CD109: variants seen among roughly 807,000 people sequenced by gnomAD.
CD109 encodes the protein CD109 antigen.
A neutral mutation model predicts 165.8 loss-of-function variants in CD109; 149 were observed. The observed-to-expected ratio is 0.90, with a 90% confidence interval of 0.79 to 1.03. The LOEUF (loss-of-function observed/expected upper bound fraction) is 1.03. Among genes scored for constraint, CD109 ranks in the 50% least tolerant of loss-of-function variants. The pLI is 0.00. For synonymous variants in CD109, 585 were observed against 592.1 expected (o/e 0.99, Z 0.18); for missense variants, 1,712 against 1,677.8 (o/e 1.02, Z -0.36).
intron 2 of CD109, among the ~76,000 whole-genome samples, chr6:73,707,758 A>G (rs1210087863): frequency 6.6e-6 from 1 of 152,090 alleles, no homozygotes; most frequent in African/African-American, 2.4e-5. Context: ...AAGAAATGCA[A>G]TAAAACTTAT....
chr6:73,789,851 C>T (rs1468594593), intron 22 of CD109, among the ~76,000 whole-genome samples: 2 of 149,112 alleles, frequency 1.3e-5, no homozygotes, highest in Non-Finnish European at 3.0e-5. Context: ...ACCTCTGCCT[C>T]TTGGGGTTCA....
At chr6:73,777,031 A>ATGCTGGAGTGCAGTGGTATGATCT (rs1774274771) in intron 15 of CD109, among the ~76,000 whole-genome samples, 1 of 16,488 alleles carries the variant, frequency 6.1e-5, no homozygotes, top group East Asian at 8.6e-3. Context: ...CTTGTTGCCC[A>ATGCTGGAGTGCAGTGGTATGATCT]CGCTGCAACC....
At chr6:73,753,128 G>C (rs574248885) in intron 5 of CD109, among the ~76,000 whole-genome samples, 2 of 152,136 alleles carry the variant, frequency 1.3e-5, no homozygotes, top group African/African-American at 2.4e-5. Context: ...TTGGAACATA[G>C]TCGTGCTCGT....
intron 5 of CD109, among the ~76,000 whole-genome samples, chr6:73,748,251 T>G (rs997514533): frequency 6.6e-6 from 1 of 152,208 alleles, no homozygotes; most frequent in East Asian, 1.9e-4. Flanking sequence ...TTTTTTCCCC[T>G]TTGCAACCAA....
rs1441692511 is a variant in CD109, at chr6:73,781,258, G to A, written c.1903-1G>A. ...AAGAAAATAAAAATTATTCTTTTTA[G>A]GAATGTGGACTCTGGGTATTGACAG... On this transcript the variant is annotated splice_acceptor_variant, in intron 16 of 32. Coordinates refer to ENST00000287097, the MANE Select transcript of CD109 (RefSeq NM_133493.5). LOFTEE classifies it high-confidence loss of function. 1 of 1,610,368 alleles carries A rather than the reference G, an allele frequency of 6.2e-7. No individual in the cohort carries two copies. The highest frequency in any genetic ancestry group is 1.1e-5 in the South Asian group (1 of 90,806).
chr6:73,728,914 G>C (rs1175083730), intron 3 of CD109, among the ~76,000 whole-genome samples: 1 of 152,214 alleles, frequency 6.6e-6, no homozygotes, highest in Non-Finnish European at 1.5e-5. Context: ...AGTCTTTGTG[G>C]GTGAAGAATT....
At chr6:73,757,360 C>T (rs1044349719) in intron 6 of CD109, among the ~76,000 whole-genome samples, 14 of 151,948 alleles carry the variant, frequency 9.2e-5, no homozygotes, top group Admixed American at 2.0e-4. Flanking sequence ...TCAATTTTGC[C>T]GTGGTAGCAT....
At chr6:73,732,568 A>ATG (rs1772405008) in intron 4 of CD109, among the ~76,000 whole-genome samples, 1 of 152,234 alleles carries the variant, frequency 6.6e-6, no homozygotes, top group South Asian at 2.1e-4. Context: ...AGCTTACTGT[A>ATG]TGTCAGAAAG....
At chr6:73,738,984 G>A (rs1274817116) in intron 5 of CD109, among the ~76,000 whole-genome samples, 2 of 152,170 alleles carry the variant, frequency 1.3e-5, no homozygotes, top group African/African-American at 4.8e-5. Flanking sequence ...AGTGGTCCAT[G>A]ATAGACAGTA....
At chr6:73,782,538 T>A in intron 17 of CD109, 76 bp from the exon 18 acceptor site, 8 of 1,391,910 alleles carry the variant, frequency 5.7e-6, no homozygotes, top group Non-Finnish European at 6.0e-6. Flanking sequence ...TGATTGACAT[T>A]CATTTTGTAT....
chr6:73,684,539 A>T, the CD109 span, among the ~76,000 whole-genome samples: 1 of 151,568 alleles, frequency 6.6e-6, no homozygotes, highest in East Asian at 1.9e-4. Flanking sequence ...TCTTTTTTTG[A>T]TGATATCCAT....
In CD109 at chr6:73,827,181, C is replaced by G. The variant is rs765293813; in HGVS notation, c.*3548C>G. On this transcript the variant is annotated 3_prime_UTR_variant, in exon 33 of 33. Transcript: ENST00000287097. ...AAATATGTTGTAAATTCTCCCTTGGCAAGATTTCTCCCTATGAGGGTAGTT... is the reference window on the plus strand; with the variant it reads ...AAATATGTTGTAAATTCTCCCTTGGGAAGATTTCTCCCTATGAGGGTAGTT... The G allele has an allele frequency of 2.6e-5, 4 of 152,142 alleles. No homozygotes were observed. Among genetic ancestry groups the G allele is most frequent in the Non-Finnish European group, 5.9e-5 (4 of 68,036 alleles). The allele number at this position is 152,142 out of a possible 1,614,324, so 9.4% of individuals were successfully genotyped here.
chr6:73,701,709 T>G (rs2150146389), intron 2 of CD109, among the ~76,000 whole-genome samples: 2 of 152,304 alleles, frequency 1.3e-5, no homozygotes, highest in South Asian at 4.1e-4. Flanking sequence ...CAAGAGTCAC[T>G]TCAAGTAATA....
chr6:73,765,822 A>G, intron 10 of CD109, 108 bp from the exon 11 acceptor site: 8 of 755,350 alleles, frequency 1.1e-5, no homozygotes, highest in Non-Finnish European at 1.7e-5. Flanking sequence ...TTATAGTGCT[A>G]CCAATAATTT....
intron 4 of CD109, among the ~76,000 whole-genome samples, chr6:73,734,761 T>A (rs958039468): frequency 6.6e-6 from 1 of 152,216 alleles, no homozygotes; most frequent in Non-Finnish European, 1.5e-5. Flanking sequence ...TCTGTTCTAA[T>A]AACTGGCCCC....
At chr6:73,740,157 G>A (rs2150192654) in intron 5 of CD109, among the ~76,000 whole-genome samples, 1 of 152,284 alleles carries the variant, frequency 6.6e-6, no homozygotes, top group South Asian at 2.1e-4. Flanking sequence ...GGGATTACAT[G>A]TGTGAGCCAT....
chr6:73,814,912 A>C (rs752868253), intron 29 of CD109, 69 bp from the exon 30 acceptor site: 19 of 1,129,466 alleles, frequency 1.7e-5, no homozygotes, highest in South Asian at 2.2e-5. Flanking sequence ...TACCTAATAC[A>C]GTATTTAGAA....
intron 3 of CD109, among the ~76,000 whole-genome samples, chr6:73,728,175 G>A (rs1333104621): frequency 6.6e-6 from 1 of 152,100 alleles, no homozygotes. Context: ...ACAAAAATTA[G>A]CTAGGCATGG....
At chr6:73,704,551 A>G (rs999664567) in intron 2 of CD109, among the ~76,000 whole-genome samples, 11 of 152,244 alleles carry the variant, frequency 7.2e-5, no homozygotes, top group Non-Finnish European at 1.3e-4. Context: ...CTCTTCTAGC[A>G]CTGGATGAGT....
Sources: allele counts gnomAD v4.1 joint callset (sites outside exome capture counted in the v4.1 genomes callset), GRCh38; gene constraint gnomAD v4.1.1; transcripts MANE v1.5; gene names NCBI Gene and HGNC (gene_info 2026-07-23, HGNC 2026-07-21).